The following CRYBG2 variants were observed in gnomAD, a reference collection of about 807,000 sequenced individuals.
CRYBG2 encodes crystallin beta-gamma domain containing 2.
Under a neutral mutation model 153.4 loss-of-function variants are expected in CRYBG2, and 106 were observed. The observed-to-expected ratio is 0.69, with a 90% CI of 0.59 to 0.81. The LOEUF is 0.81. Ranked by LOEUF, CRYBG2 falls within the 30% of genes least tolerant of loss-of-function variation. CRYBG2 has a pLI of 0.00. For synonymous variants in CRYBG2, 851 were observed against 877.8 expected (o/e 0.97, Z 0.54); for missense variants, 1,996 against 2,112.0 (o/e 0.95, Z 1.08).
chr1:26,342,838 G>C lies in CRYBG2; in HGVS notation c.3120C>G (p.Val1040=). The change falls in exon 5 of 20, where the codon GTC becomes GTG. Residue 1040 remains valine (V), a synonymous_variant. Coordinates refer to ENST00000308182, the MANE Select transcript of CRYBG2 (RefSeq NM_001039775.4). ...EEPEFRGQKL[V]LPEGDMELRT... is the part of the protein sequence containing the mutation. ...TGAGTTCCATGTCTCCTTCAGGCAG[G>C]ACCAGCTTCTGACCCCGGAACTCTG... 6.2e-7 allele frequency: 1 copy of C among 1,614,148 alleles called. No individual in the cohort carries two copies. The highest frequency in any genetic ancestry group is 8.5e-7 in the Non-Finnish European group (1 of 1,180,026).
Position 26,344,197 on chromosome 1 carries a change from G to T in CRYBG2, c.2461C>A (p.Pro821Thr). 1 of 1,535,674 alleles carries T rather than the reference G, an allele frequency of 6.5e-7. No homozygotes were observed. Among genetic ancestry groups the T allele is most frequent in the Non-Finnish European group, 8.7e-7 (1 of 1,146,620 alleles). Residue 821 changes from proline to threonine, a missense_variant, in exon 2 of 20, where the codon CCT becomes ACT. Physicochemically the swap from Pro to Thr is conservative, Grantham distance 38. Transcript: ENST00000308182. ...TCCTCCTCTTTCTCTTCCAGTGAAGGCACCTCCTGGGGTCCGGGGCCCAGC... is the reference window on the plus strand; with the variant it reads ...TCCTCCTCTTTCTCTTCCAGTGAAGTCACCTCCTGGGGTCCGGGGCCCAGC... ...WVLGPGPQEVPSLEEKEEEEE... is the reference protein window; with the variant it reads ...WVLGPGPQEVTSLEEKEEEEE...
Position 26,345,725 on chromosome 1 carries a change from G to T in CRYBG2, c.933C>A (p.Ala311=). ...CTCTGCCCTGGTCTCTGTCCGGACA[G>T]GCTGCAGGGGCATCCTGATTCTTAG... is the stretch of plus-strand genomic sequence containing the variant. The part of the protein sequence containing the change: ...HLPKNQDAPA[A]CPDRDQGRAP... The change falls in exon 2 of 20, where the codon GCC becomes GCA. Residue 311 remains alanine (A), a synonymous_variant. Coordinates refer to ENST00000308182, the MANE Select transcript of CRYBG2 (RefSeq NM_001039775.4). 6.3e-7 allele frequency: 1 copy of T among 1,597,452 alleles called. No homozygotes were observed. Among genetic ancestry groups the T allele is most frequent in the South Asian group, 1.1e-5 (1 of 90,898 alleles).
intron 17 of CRYBG2, chr1:26,326,555 AG>A: frequency 6.2e-6 from 1 of 160,678 alleles, no homozygotes; most frequent in Non-Finnish European, 1.4e-5. Context: ...AAAAAAAAAA[AG>A]AAAGAAAATC....
Position 26,331,550 on chromosome 1 carries a change from G to A in CRYBG2, c.4253C>T (p.Thr1418Ile). The change falls in exon 15 of 20, where the codon ACT becomes ATT. Residue 1418 changes from threonine (T) to isoleucine (I), a missense_variant. Coordinates refer to ENST00000308182, the MANE Select transcript of CRYBG2 (RefSeq NM_001039775.4). ...QHILSEGEFPTLTAMGCLAST... is the reference protein window; with the variant it reads ...QHILSEGEFPILTAMGCLAST... ...GGCGAGGCAGCCCATGGCCGTGAGA[G>A]TGGGGAACTCGCCCTCAGAGAGAAT... 1 of 1,614,144 alleles carries A rather than the reference G, an allele frequency of 6.2e-7. No individual in the cohort carries two copies. Among genetic ancestry groups the A allele is most frequent in the South Asian group, 1.1e-5 (1 of 91,084 alleles).
chr1:26,346,549 G>A lies in CRYBG2; in HGVS notation c.109C>T (p.His37Tyr), dbSNP rs764902256. Residue 37 changes from histidine (H) to tyrosine (Y), a missense_variant, in exon 2 of 20, where the codon CAC becomes TAC. Transcript: ENST00000308182. The surrounding 1 kb of genome is among the most constrained non-coding windows in gnomAD (Gnocchi z 4.9). The stretch of plus-strand genomic sequence containing the variant: ...GCCCCTGACACCAGGGACACCTTGT[G>A]AAAACCATGTTTGATCTCTTCCTGG... ...PTQEEIKHGF[H>Y]KVSLVSGAQM... 3 of 1,612,124 alleles carry A rather than the reference G, an allele frequency of 1.9e-6. No homozygotes were observed. The highest frequency in any genetic ancestry group is 2.5e-6 in the Non-Finnish European group (3 of 1,179,150).
At chr1:26,331,732 G>A in intron 14 of CRYBG2, 114 bp from the exon 15 acceptor site, 1 of 1,427,360 alleles carries the variant, frequency 7.0e-7, no homozygotes, top group African/African-American at 1.4e-5. Flanking sequence ...CCTGTCCCAG[G>A]GGAGGTGGGA....
At chr1:26,339,974 C>T (rs144299301) in intron 5 of CRYBG2, among the ~76,000 whole-genome samples, 15 of 152,248 alleles carry the variant, frequency 9.9e-5, no homozygotes, top group Non-Finnish European at 1.8e-4. Context: ...CAGAAGTTCC[C>T]GGGAGAACCT....
rs1241600750 is a variant in CRYBG2, at chr1:26,346,376, T to C, written c.282A>G (p.Gly94=). The change falls in exon 2 of 20, where the codon GGA becomes GGG. Residue 94 remains glycine (G), a synonymous_variant. Transcript: ENST00000308182. The surrounding 1 kb of genome is among the most constrained non-coding windows in gnomAD (Gnocchi z 4.9). ...TAGSKNFQSH[G]PIFSKKYIPP... ...GTATGTACTTCTTGGAAAAGATGGG[T>C]CCATGGCTCTGGAAGTTCTTGGAGC... The C allele has an allele frequency of 6.3e-6, 10 of 1,599,280 alleles. No homozygotes were observed. The Admixed American group carries it at 6.7e-5, about 11-fold the overall frequency.
intron 14 of CRYBG2, among the ~76,000 whole-genome samples, chr1:26,335,476 C>CA (rs2074043418): frequency 6.6e-6 from 1 of 150,438 alleles, no homozygotes; most frequent in South Asian, 2.2e-4. Context: ...AACTCTGTCT[C>CA]AAAACAAAAC....
At chr1:26,350,249 A>T (rs2074272324) in intron 1 of CRYBG2, among the ~76,000 whole-genome samples, 1 of 152,132 alleles carries the variant, frequency 6.6e-6, no homozygotes, top group South Asian at 2.1e-4. Flanking sequence ...CACCCCCTTG[A>T]CCTTGGGCTT....
At position 26,321,943 on chromosome 1, in the gene CRYBG2, G is replaced by C. The variant is rs1291312303; in HGVS notation, c.*25C>G. The C allele has an allele frequency of 1.3e-6, 2 of 1,525,986 alleles. No homozygotes were observed. Among genetic ancestry groups the C allele is most frequent in the African/African-American group, 2.8e-5 (2 of 72,078 alleles). 94.5% of individuals were successfully genotyped at this position (1,525,986 alleles called of 1,614,324 possible). ...ACATTCATCCCAGCAAAAGCCTCCA[G>C]GGCTGGAGGGTGAGGGGAAAAGTTT... On this transcript the variant is annotated 3_prime_UTR_variant, in exon 20 of 20. Transcript: ENST00000308182.
intron 18 of CRYBG2, 68 bp from the exon 19 acceptor site, chr1:26,322,391 T>TTGA: frequency 1.3e-6 from 2 of 1,519,964 alleles, no homozygotes; most frequent in East Asian, 4.6e-5. Flanking sequence ...CAAGAAACCC[T>TTGA]TGACCCATCT....
Position 26,336,542 on chromosome 1 carries a change from G to A in CRYBG2, c.4038+64C>T, listed in dbSNP as rs1182214029. 6.5e-7 allele frequency: 1 copy of A among 1,540,186 alleles called. No homozygotes were observed. The highest frequency in any genetic ancestry group is 2.0e-5 in the Admixed American group (1 of 48,934). ...CAGCCCGCTACCTCTGCGTGGGGGCGGGGCGCACCCGAACTCCAGGTCCCG... is the reference window on the plus strand; with the variant it reads ...CAGCCCGCTACCTCTGCGTGGGGGCAGGGCGCACCCGAACTCCAGGTCCCG... On this transcript the variant is annotated intron_variant, in intron 12 of 19. Coordinates refer to ENST00000308182, the MANE Select transcript of CRYBG2 (RefSeq NM_001039775.4). This position sits in a 1 kb window ranked among gnomAD's most constrained non-coding sequence, Gnocchi z 4.9.
Position 26,338,377 on chromosome 1 carries a change from C to A in CRYBG2, c.3445G>T (p.Val1149Leu), listed in dbSNP as rs769977606. 1 of 1,610,976 alleles carries A rather than the reference C, an allele frequency of 6.2e-7. No individual in the cohort carries two copies. The highest frequency in any genetic ancestry group is 1.1e-5 in the South Asian group (1 of 90,584). Reference sequence around the variant, plus strand: ...AATCTCATGGGCTTCAGGGAGCCCACGCTGGGGTCCGATGTGCCCCAGGCC... The same window carrying A: ...AATCTCATGGGCTTCAGGGAGCCCAAGCTGGGGTCCGATGTGCCCCAGGCC... ...SEAWGTSDPS[V>L]GSLKPMRLGC... Residue 1149 changes from valine to leucine, a missense_variant, in exon 7 of 20, where the codon GTG (valine) becomes TTG (leucine). Val to Leu is a conservative substitution (Grantham distance 32, BLOSUM62 1). Transcript: ENST00000308182.
In CRYBG2 at chr1:26,346,833, G is replaced by A. The variant is rs1292722363; in HGVS notation, c.-55-121C>T. The A allele has an allele frequency of 3.2e-6, 2 of 618,508 alleles. No individual in the cohort carries two copies. The highest frequency in any genetic ancestry group is 5.4e-6 in the Non-Finnish European group (2 of 368,932). 38.3% of individuals were successfully genotyped at this position (618,508 alleles called of 1,614,324 possible). A position where few individuals can be genotyped will look rare whatever the true frequency, so the allele number is the denominator to read the frequency against. On this transcript the variant is annotated intron_variant, in intron 1 of 19. Coordinates refer to ENST00000308182, the MANE Select transcript of CRYBG2 (RefSeq NM_001039775.4). This position sits in a 1 kb window ranked among gnomAD's most constrained non-coding sequence, Gnocchi z 4.9. ...TCAGGCAAATCGCTTGGCCTTTTTG[G>A]GCCATTGCTTTCTCATCTGTGAAAT... is the stretch of plus-strand genomic sequence containing the variant.
At chr1:26,353,669 A>G (rs1261994030) in intron 1 of CRYBG2, among the ~76,000 whole-genome samples, 1 of 152,016 alleles carries the variant, frequency 6.6e-6, no homozygotes, top group African/African-American at 2.4e-5. Context: ...AGGTTAAGCA[A>G]CTCGCCTCAG....
intron 14 of CRYBG2, among the ~76,000 whole-genome samples, chr1:26,332,435 T>C (rs960417156): frequency 1.3e-5 from 2 of 152,148 alleles, no homozygotes; most frequent in South Asian, 2.1e-4. Flanking sequence ...TAACAGTGCT[T>C]ATAGCAAACT....
chr1:26,328,753 C>A lies in CRYBG2; in HGVS notation c.4435G>T (p.Val1479Leu). The A allele has an allele frequency of 6.2e-7, 1 of 1,613,986 alleles. No homozygotes were observed. The highest frequency in any genetic ancestry group is 8.5e-7 in the Non-Finnish European group (1 of 1,179,962). The change falls in exon 16 of 20, where the codon GTG (valine) becomes TTG (leucine). Residue 1479 changes from valine to leucine, a missense_variant. Val to Leu is a conservative substitution (Grantham distance 32). Coordinates refer to ENST00000308182, the MANE Select transcript of CRYBG2 (RefSeq NM_001039775.4). ...AEGFNNHVLSVRIKGGIWVLC... is the reference protein window; with the variant it reads ...AEGFNNHVLSLRIKGGIWVLC... ...ACTCACATGCCCCCCTTGATCCGCA[C>A]AGACAGCACATGGTTGTTGAAGCCC...
Position 26,338,383 on chromosome 1 carries a change from G to A in CRYBG2, c.3439C>T (p.Pro1147Ser), listed in dbSNP as rs2074087926. ...PTSEAWGTSDPSVGSLKPMRL... is the reference protein window; with the variant it reads ...PTSEAWGTSDSSVGSLKPMRL... Reference sequence around the variant, plus strand: ...ATGGGCTTCAGGGAGCCCACGCTGGGGTCCGATGTGCCCCAGGCCTCTGAG... The same window carrying A: ...ATGGGCTTCAGGGAGCCCACGCTGGAGTCCGATGTGCCCCAGGCCTCTGAG... The change falls in exon 7 of 20, where the codon CCC becomes TCC. Residue 1147 changes from proline (P) to serine (S), a missense_variant. By Grantham distance (74) the Pro-to-Ser change is moderately conservative. Transcript: ENST00000308182. 1 of 1,612,210 alleles carries A rather than the reference G, an allele frequency of 6.2e-7. No individual in the cohort carries two copies. The highest frequency in any genetic ancestry group is 1.1e-5 in the South Asian group (1 of 90,816).
Sources: gnomAD v4.1 joint callset for allele counts (sites outside exome capture counted in the v4.1 genomes callset) on GRCh38, gnomAD v4.1.1 for gene constraint, Gnocchi (gnomAD v3.1) non-coding constraint, MANE v1.5 for transcripts, NCBI Gene and HGNC (gene_info 2026-07-23, HGNC 2026-07-21) for gene names.